GRAMD4: variants seen among roughly 807,000 people sequenced by gnomAD.
GRAMD4 encodes GRAM domain containing 4.
GRAMD4 carries 25 observed loss-of-function variants against 83.9 expected under a neutral mutation model. That is an observed-to-expected ratio of 0.30 (90% CI 0.22 to 0.42). The LOEUF is 0.42. Among genes scored for constraint, GRAMD4 ranks in the 10% least tolerant of loss-of-function variants. The pLI is 1.00. For missense variants in GRAMD4, 593 were observed against 788.7 expected (o/e 0.75, Z 2.97); for synonymous variants, 336 against 320.9 (o/e 1.05, Z -0.50).
chr22:46,676,761 G>T (rs1460450273), intron 18 of GRAMD4, 93 bp downstream of exon 18: 22 of 1,190,560 alleles, frequency 1.8e-5, no homozygotes, highest in Non-Finnish European at 2.3e-5. Context: ...CAGACAGCCA[G>T]AGTTTTAGTT....
chr22:46,658,262 G>T lies in GRAMD4; in HGVS notation c.359G>T (p.Arg120Leu). Reference sequence around the variant, plus strand: ...CAGGAGCTGGACCGCGAGCGGCAGCGGCGGATGGAGCTGGAGCAGAAGGTG... The same window carrying T: ...CAGGAGCTGGACCGCGAGCGGCAGCTGCGGATGGAGCTGGAGCAGAAGGTG... ...LRQELDRERQ[R>L]RMELEQKVQE... The change falls in exon 4 of 19, where the codon CGG (arginine) becomes CTG (leucine). Residue 120 changes from arginine to leucine, a missense_variant. Transcript: ENST00000406902. The T allele has an allele frequency of 6.2e-7, 1 of 1,613,298 alleles. No homozygotes were observed. The highest frequency in any genetic ancestry group is 8.5e-7 in the Non-Finnish European group (1 of 1,179,842).
At chr22:46,584,468 C>G (rs377281862) in intron 1 of GRAMD4, among the ~76,000 whole-genome samples, 1 of 152,166 alleles carries the variant, frequency 6.6e-6, no homozygotes, top group Non-Finnish European at 1.5e-5. Flanking sequence ...CTGCATGGAT[C>G]TTTCTCGTCT....
At chr22:46,613,103 G>A (rs1569259943) in intron 1 of GRAMD4, among the ~76,000 whole-genome samples, 1 of 152,270 alleles carries the variant, frequency 6.6e-6, no homozygotes, top group African/African-American at 2.4e-5. Flanking sequence ...CAGTGGTGAT[G>A]TATGGGGCGT....
At chr22:46,613,503 TC>T (rs1171953378) in intron 1 of GRAMD4, among the ~76,000 whole-genome samples, 1 of 152,240 alleles carries the variant, frequency 6.6e-6, no homozygotes, top group African/African-American at 2.4e-5. Flanking sequence ...CGAGCTGCTG[TC>T]GCTGTGGTAT....
intron 3 of GRAMD4, among the ~76,000 whole-genome samples, chr22:46,640,469 G>A (rs780474352): frequency 2.0e-5 from 3 of 152,134 alleles, no homozygotes; most frequent in Non-Finnish European, 4.4e-5. Flanking sequence ...CTCTGGGGCC[G>A]AGCAGATCCC....
intron 2 of GRAMD4, among the ~76,000 whole-genome samples, chr22:46,635,133 A>AGG (rs2081843589): frequency 3.4e-4 from 42 of 122,512 alleles, no homozygotes; most frequent in African/African-American, 1.1e-3. Flanking sequence ...GTCCTGGGGA[A>AGG]CCGTGTCCTC....
At chr22:46,600,909 G>T (rs903245814) in intron 1 of GRAMD4, among the ~76,000 whole-genome samples, 6 of 152,188 alleles carry the variant, frequency 3.9e-5, no homozygotes, top group Admixed American at 3.9e-4. Context: ...ACTTTGGGAG[G>T]CCAAGGCAGG....
chr22:46,586,579 A>T (rs1273325303), intron 1 of GRAMD4, among the ~76,000 whole-genome samples: 2 of 152,162 alleles, frequency 1.3e-5, no homozygotes, highest in Non-Finnish European at 2.9e-5. Flanking sequence ...GCCTAGCCCC[A>T]TGACACAGAG....
chr22:46,678,434 C>T lies in GRAMD4; in HGVS notation c.*1183C>T. The T allele has an allele frequency of 2.0e-6, 2 of 985,416 alleles. No homozygotes were observed. The highest frequency in any genetic ancestry group is 1.7e-5 in the African/African-American group (1 of 57,344). The allele number at this position is 985,416 out of a possible 1,614,324, so 61.0% of individuals were successfully genotyped here. On this transcript the variant is annotated 3_prime_UTR_variant, in exon 19 of 19. Transcript: ENST00000406902. ...CCTGCCCCAGGGAAGCCTGGGCTTC[C>T]CGGGAACAAGGTGGCATTTGTGGAG...
chr22:46,607,506 C>T (rs2081377271), intron 1 of GRAMD4, among the ~76,000 whole-genome samples: 1 of 152,108 alleles, frequency 6.6e-6, no homozygotes, highest in Admixed American at 6.5e-5. Flanking sequence ...GGTTACTGTC[C>T]CTTACGAAGT....
intron 3 of GRAMD4, among the ~76,000 whole-genome samples, chr22:46,651,268 CT>C (rs1359296937): frequency 2.0e-5 from 3 of 152,346 alleles, no homozygotes; most frequent in Non-Finnish European, 1.5e-5. Context: ...CACTGGGTTC[CT>C]TGCCATTTGG....
chr22:46,646,020 G>T (rs2082067587), intron 3 of GRAMD4, among the ~76,000 whole-genome samples: 1 of 152,146 alleles, frequency 6.6e-6, no homozygotes, highest in Admixed American at 6.5e-5. Context: ...GGACCCTCGG[G>T]GCCAGGGAGC....
At chr22:46,623,707 C>T (rs915199711) in intron 1 of GRAMD4, among the ~76,000 whole-genome samples, 1 of 151,862 alleles carries the variant, frequency 6.6e-6, no homozygotes, top group African/African-American at 2.4e-5. Context: ...AGTTTCCTTT[C>T]TAGTGAGCTT....
chr22:46,668,309 G>A (rs992174600), intron 11 of GRAMD4, 142 bp downstream of exon 11: 3 of 622,138 alleles, frequency 4.8e-6, no homozygotes, highest in South Asian at 1.9e-5. Context: ...TGCAGGCCCG[G>A]TTTGTCCGCG....
chr22:46,623,088 C>G (rs1347568413), intron 1 of GRAMD4, among the ~76,000 whole-genome samples: 1 of 152,082 alleles, frequency 6.6e-6, no homozygotes, highest in Non-Finnish European at 1.5e-5. Flanking sequence ...CCCATAGCGC[C>G]CGAGTCTCTT....
chr22:46,612,842 G>A (rs2081431336), intron 1 of GRAMD4, among the ~76,000 whole-genome samples: 1 of 152,240 alleles, frequency 6.6e-6, no homozygotes, highest in Non-Finnish European at 1.5e-5. Context: ...CTTCCCTGAC[G>A]CGGTCTCCTG....
intron 1 of GRAMD4, among the ~76,000 whole-genome samples, chr22:46,590,460 G>A (rs13057596): frequency 0.49 from 74,615 of 152,012 alleles, 20,379 homozygotes; most frequent in African/African-American, 0.75. Context: ...GGCCAGGAGC[G>A]CGTCCCAAGG....
At chr22:46,643,295 TCATCCATCCATCCATCCATC>T in intron 3 of GRAMD4, among the ~76,000 whole-genome samples, 1 of 103,002 alleles carries the variant, frequency 9.7e-6, no homozygotes, top group African/African-American at 3.4e-5. Context: ...ATCCATCCAT[TCATCCATCCATCCATCCATC>T]CATCCATCCA....
chr22:46,648,076 A>T (rs373305258), intron 3 of GRAMD4, among the ~76,000 whole-genome samples: 1 of 152,214 alleles, frequency 6.6e-6, no homozygotes. Flanking sequence ...ATATGGATGG[A>T]TGGATGGCTG....
Sources: allele counts gnomAD v4.1 joint callset (sites outside exome capture counted in the v4.1 genomes callset), GRCh38; gene constraint gnomAD v4.1.1; transcripts MANE v1.5; gene names NCBI Gene and HGNC (gene_info 2026-07-23, HGNC 2026-07-21).